TMEM39B: variants seen among roughly 807,000 people sequenced by gnomAD.
The protein encoded by TMEM39B is transmembrane protein 39B.
TMEM39B carries 23 observed loss-of-function variants against 52.2 expected under a neutral mutation model. The ratio of observed to expected loss-of-function variants is 0.44; its 90% CI spans 0.32 to 0.62. TMEM39B has a LOEUF of 0.62. Ranked by LOEUF, TMEM39B falls within the 20% of genes least tolerant of loss-of-function variation. The pLI is 0.06. For synonymous variants in TMEM39B, 285 were observed against 264.0 expected, an observed-to-expected ratio of 1.08 and a Z score of -0.77; for missense variants, 547 against 642.0, an observed-to-expected ratio of 0.85 and a Z score of 1.60.
Position 32,074,982 on chromosome 1 carries a change from C to T in TMEM39B, c.36C>T (p.Tyr12=). The T allele has an allele frequency of 6.4e-7, 1 of 1,551,526 alleles. No homozygotes were observed. The highest frequency in any genetic ancestry group is 8.7e-7 in the Non-Finnish European group (1 of 1,146,924). Residue 12 remains tyrosine, a synonymous_variant, in exon 2 of 9, where the codon TAC becomes TAT. Transcript: ENST00000336294. The part of the protein sequence containing the change: ...GGRRGPNRTS[Y]CRNPLCEPGS... ...GAAGAGGTCCCAACAGGACATCTTACTGTCGAAATCCGCTCTGTGAGCCGG... is the reference window on the plus strand; with the variant it reads ...GAAGAGGTCCCAACAGGACATCTTATTGTCGAAATCCGCTCTGTGAGCCGG...
chr1:32,084,704 G>A (rs541001852), intron 5 of TMEM39B, among the ~76,000 whole-genome samples: 11 of 152,074 alleles, frequency 7.2e-5, no homozygotes, highest in Admixed American at 2.0e-4. Context: ...TGAGTAGCTG[G>A]GATTACAGGC....
Position 32,079,065 on chromosome 1 carries a change from T to C in TMEM39B, c.590+1747T>C, listed in dbSNP as rs192452823. Among the ~76,000 whole-genome samples the C allele has an allele frequency of 5.3e-5, 8 of 152,246 alleles. No homozygotes were observed. In the East Asian group the frequency reaches 1.5e-3, roughly 29 times the overall value. On this transcript the variant is annotated intron_variant, in intron 5 of 8. Transcript: ENST00000336294. ...CAATACATACGGGTCTGTCTCATTATTTTATTTTATTTTAGAGATGAGGGT... is the reference window on the plus strand; with the variant it reads ...CAATACATACGGGTCTGTCTCATTACTTTATTTTATTTTAGAGATGAGGGT...
At chr1:32,075,876 A>ATGTGTG in intron 3 of TMEM39B, 54 bp downstream of exon 3, 1 of 1,109,612 alleles carries the variant, frequency 9.0e-7, no homozygotes. Flanking sequence ...GTGTGTGTGT[A>ATGTGTG]TGTGTGTGTG....
intron 1 of TMEM39B, 150 bp downstream of exon 1, chr1:32,073,201 C>T: frequency 1.2e-6 from 1 of 841,082 alleles, no homozygotes; most frequent in East Asian, 5.0e-5. Flanking sequence ...CCCCTCCTGT[C>T]GTTTTGCGGG....
At chr1:32,087,754 A>AG (rs1232780024) in intron 5 of TMEM39B, 1 of 136,368 alleles carries the variant, frequency 7.3e-6, no homozygotes, top group South Asian at 2.7e-4. Context: ...GGTTCACACC[A>AG]TTCTCCTGCC....
At chr1:32,073,450 C>T (rs1024189078) in intron 1 of TMEM39B, 29 of 768,016 alleles carry the variant, frequency 3.8e-5, no homozygotes, top group South Asian at 2.8e-4. Flanking sequence ...GGGAGACTTC[C>T]GACTGAGGGA....
chr1:32,072,229 G>A (rs899247428), upstream of TMEM39B: 1 of 152,192 alleles, frequency 6.6e-6, no homozygotes, highest in African/African-American at 2.4e-5. Context: ...TGTGAGGGAA[G>A]AATCCTAATG....
intron 6 of TMEM39B, 23 bp downstream of exon 6, chr1:32,092,034 G>A: frequency 6.2e-7 from 1 of 1,602,626 alleles, no homozygotes; most frequent in Non-Finnish European, 8.5e-7. Flanking sequence ...AGCCAGGGAG[G>A]GAAAGGGACT....
intron 5 of TMEM39B, among the ~76,000 whole-genome samples, chr1:32,081,899 A>C (rs558082058): frequency 1.5e-4 from 23 of 152,254 alleles, no homozygotes; most frequent in Admixed American, 1.5e-3. Flanking sequence ...GTAATTATCA[A>C]TGTTTTTGGT....
chr1:32,077,251 C>T lies in TMEM39B; in HGVS notation c.523C>T (p.Leu175=). Residue 175 remains leucine, a synonymous_variant, in exon 5 of 9, where the codon CTG becomes TTG. Coordinates refer to ENST00000336294, the MANE Select transcript of TMEM39B (RefSeq NM_018056.4). ...CGTTCTCACGGCAACAGGCTGGAGT[C>T]TGTGCCGATCCCTCATCCACCTCTT... ...FTVLTATGWS[L]CRSLIHLFRT... The T allele has an allele frequency of 1.2e-6, 2 of 1,614,180 alleles. No homozygotes were observed. The highest frequency in any genetic ancestry group is 1.7e-6 in the Non-Finnish European group (2 of 1,180,038).
At chr1:32,076,911 GA>G (rs1219494826) in intron 4 of TMEM39B, 65 bp downstream of exon 4, 7 of 1,553,654 alleles carry the variant, frequency 4.5e-6, no homozygotes, top group Non-Finnish European at 6.2e-6. Flanking sequence ...GGATGCCAAG[GA>G]AACATGCCCA....
chr1:32,089,815 A>C (rs958522023), intron 5 of TMEM39B, among the ~76,000 whole-genome samples: 5 of 151,596 alleles, frequency 3.3e-5, no homozygotes, highest in Non-Finnish European at 5.9e-5. Flanking sequence ...AGGCGGGTGG[A>C]GGTCAGGAGT....
intron 5 of TMEM39B, among the ~76,000 whole-genome samples, chr1:32,083,459 G>C (rs1640203155): frequency 9.5e-6 from 1 of 105,594 alleles, no homozygotes; most frequent in Non-Finnish European, 1.7e-5. Flanking sequence ...ATTCGCCGTT[G>C]TTGCCCAGGC....
At chr1:32,099,109 C>T (rs1439960091) in intron 7 of TMEM39B, among the ~76,000 whole-genome samples, 5 of 151,874 alleles carry the variant, frequency 3.3e-5, no homozygotes, top group African/African-American at 1.2e-4. Context: ...AAAAATTAGC[C>T]GGGCGTGGTG....
intron 5 of TMEM39B, among the ~76,000 whole-genome samples, 180 bp downstream of exon 5, chr1:32,077,498 C>T (rs187501763): frequency 1.1e-4 from 16 of 152,178 alleles, no homozygotes; most frequent in African/African-American, 1.7e-4. Flanking sequence ...TTTTTGCAGA[C>T]GAAACTGAGG....
At chr1:32,073,222 T>G in intron 1 of TMEM39B, 171 bp downstream of exon 1, 2 of 694,240 alleles carry the variant, frequency 2.9e-6, no homozygotes, top group Non-Finnish European at 2.0e-6. Context: ...GTGGGGCCTC[T>G]GTTGTGGGGG....
intron 5 of TMEM39B, among the ~76,000 whole-genome samples, chr1:32,088,411 C>T (rs1479153734): frequency 2.0e-5 from 3 of 151,856 alleles, no homozygotes; most frequent in African/African-American, 7.3e-5. Flanking sequence ...AGCCAGACTC[C>T]GTCTCAAAAA....
chr1:32,082,779 T>A (rs1322361044), intron 5 of TMEM39B, among the ~76,000 whole-genome samples: 1 of 150,780 alleles, frequency 6.6e-6, no homozygotes, highest in African/African-American at 2.4e-5. Context: ...GTTTTTTGTT[T>A]TTTGTTTTTT....
chr1:32,099,832 A>T (rs1385511627), intron 7 of TMEM39B, among the ~76,000 whole-genome samples: 1 of 152,188 alleles, frequency 6.6e-6, no homozygotes, highest in East Asian at 1.9e-4. Flanking sequence ...AGATCACCTG[A>T]CGTCAAGAAT....
Sources: gnomAD v4.1 joint callset for allele counts (sites outside exome capture counted in the v4.1 genomes callset) on GRCh38, gnomAD v4.1.1 for gene constraint, MANE v1.5 for transcripts, NCBI Gene and HGNC (gene_info 2026-07-23, HGNC 2026-07-21) for gene names.